Variants in DEPDC5 observed in about 807,000 individuals in gnomAD.
The protein encoded by DEPDC5 is GATOR1 complex protein DEPDC5.
A neutral mutation model predicts 217.3 loss-of-function variants in DEPDC5; 73 were observed. The ratio of observed to expected loss-of-function variants is 0.34; its 90% CI spans 0.28 to 0.41. DEPDC5 has a LOEUF of 0.41. DEPDC5 is among the 10% of genes least tolerant of loss of function. The pLI is 1.00. For missense variants in DEPDC5, 1,675 were observed against 2,070.1 expected, an observed-to-expected ratio of 0.81 and a Z score of 3.70; for synonymous variants, 733 against 756.7, an observed-to-expected ratio of 0.97 and a Z score of 0.51.
In DEPDC5 at chr22:31,809,597, A is replaced by G. The variant is rs1005945977; in HGVS notation, c.1288-14A>G. 16 of 1,613,794 alleles carry G rather than the reference A, an allele frequency of 9.9e-6. No homozygotes were observed. The East Asian group carries it at 3.1e-4, about 31-fold the overall frequency. On this transcript the variant is annotated splice_polypyrimidine_tract_variant and intron_variant, in intron 18 of 42. Coordinates refer to ENST00000651528, the MANE Select transcript of DEPDC5 (RefSeq NM_001242896.3). ...CGAAGGAAGGAGTGATTAATTATCT[A>G]TTTAATTTTTCAGCCCGCCTCTGAG...
chr22:31,812,137 C>T (rs918587131), intron 20 of DEPDC5, among the ~76,000 whole-genome samples: 2 of 151,766 alleles, frequency 1.3e-5, no homozygotes, highest in Non-Finnish European at 2.9e-5. Flanking sequence ...TACAGGCATG[C>T]ACCACCACAC....
chr22:31,885,422 T>C (rs906560493), intron 38 of DEPDC5, among the ~76,000 whole-genome samples: 1 of 152,136 alleles, frequency 6.6e-6, no homozygotes, highest in Non-Finnish European at 1.5e-5. Context: ...GCTTCAAGTC[T>C]CTTGTCCAAA....
Position 31,805,573 on chromosome 22 carries a change from T to C in DEPDC5, c.1218-549T>C, listed in dbSNP as rs150955170. Among the ~76,000 whole-genome samples, 904 of 151,996 alleles carry C rather than the reference T, an allele frequency of 5.9e-3. 8 individuals are homozygous for C. Among genetic ancestry groups the C allele is most frequent in the African/African-American group, 0.02 (830 of 41,458 alleles). On this transcript the variant is annotated intron_variant, in intron 17 of 42. Coordinates refer to ENST00000651528, the MANE Select transcript of DEPDC5 (RefSeq NM_001242896.3). ...TGGAGTGCAGTGACATGATCTTGGCTCACTGCAACCTCCACCACCCGGGTT... is the reference window on the plus strand; with the variant it reads ...TGGAGTGCAGTGACATGATCTTGGCCCACTGCAACCTCCACCACCCGGGTT...
chr22:31,754,588 C>T (rs1184713354), intron 1 of DEPDC5, among the ~76,000 whole-genome samples: 1 of 150,160 alleles, frequency 6.7e-6, no homozygotes, highest in East Asian at 2.0e-4. Context: ...GTGATGAGCA[C>T]CCATTCAGCG....
At chr22:31,905,023 A>G (rs900378756) in intron 41 of DEPDC5, among the ~76,000 whole-genome samples, 3 of 152,080 alleles carry the variant, frequency 2.0e-5, no homozygotes, top group Admixed American at 6.6e-5. Flanking sequence ...CAGGAGCCAC[A>G]TCTGTTACCA....
chr22:31,818,340 G>A (rs770589989), intron 21 of DEPDC5, among the ~76,000 whole-genome samples: 6 of 151,996 alleles, frequency 3.9e-5, no homozygotes, highest in Non-Finnish European at 8.8e-5. Context: ...TCAGTGGAGG[G>A]GCTACTGATC....
intron 25 of DEPDC5, among the ~76,000 whole-genome samples, chr22:31,834,794 G>C (rs1054352348): frequency 1.3e-5 from 2 of 152,072 alleles, no homozygotes; most frequent in Non-Finnish European, 2.9e-5. Flanking sequence ...CTCCCAAAGT[G>C]CTGTGATTAC....
intron 15 of DEPDC5, among the ~76,000 whole-genome samples, chr22:31,803,420 G>T (rs372335205): frequency 6.6e-6 from 1 of 152,040 alleles, no homozygotes; most frequent in African/African-American, 2.4e-5. Flanking sequence ...CTCCGTGTTA[G>T]CCAGGATGGT....
intron 31 of DEPDC5, among the ~76,000 whole-genome samples, chr22:31,856,153 G>GCA (rs771652884): frequency 0.029 from 3,125 of 108,208 alleles, 147 homozygotes; most frequent in Admixed American, 0.11. Context: ...TTGGGCCAAC[G>GCA]CGCACACACA....
chr22:31,835,426 A>G (rs2090920794), intron 25 of DEPDC5, among the ~76,000 whole-genome samples: 1 of 152,198 alleles, frequency 6.6e-6, no homozygotes, highest in Admixed American at 6.5e-5. Flanking sequence ...TTTCCTAGAG[A>G]CAGAACACCC....
At chr22:31,785,483 A>G (rs1466574462) in intron 10 of DEPDC5, among the ~76,000 whole-genome samples, 1 of 152,220 alleles carries the variant, frequency 6.6e-6, no homozygotes, top group Non-Finnish European at 1.5e-5. Context: ...AGTAAATAGT[A>G]AGATAACCTG....
intron 10 of DEPDC5, among the ~76,000 whole-genome samples, chr22:31,786,102 C>T (rs570606057): frequency 4.7e-4 from 71 of 151,930 alleles, no homozygotes; most frequent in Non-Finnish European, 8.8e-4. Flanking sequence ...ACTAAAAATA[C>T]AAAAATTAGC....
chr22:31,864,526 T>TCTATATATATA (rs1335760559), intron 33 of DEPDC5, among the ~76,000 whole-genome samples: 1 of 117,890 alleles, frequency 8.5e-6, no homozygotes, highest in Non-Finnish European at 1.7e-5. Context: ...ATATATATAT[T>TCTATATATATA]TATATATTTA....
rs376784275 is a variant in DEPDC5 at position 31,777,207 on chromosome 22, G to A, written c.414-892G>A. ...ACTCCTGACCTCAGGTGATTCACCC[G>A]CCTCAGCCTCTCAACGTGTTGGGAT... On this transcript the variant is annotated intron_variant, in intron 7 of 42. Transcript: ENST00000651528. Among the ~76,000 whole-genome samples, 428 of 150,146 alleles carry A rather than the reference G, an allele frequency of 2.9e-3. 2 individuals are homozygous for A. Among genetic ancestry groups the A allele is most frequent in the African/African-American group, 9.1e-3 (370 of 40,796 alleles).
Position 31,857,428 on chromosome 22 carries a change from G to A in DEPDC5, c.3156-17G>A. 1.3e-6 allele frequency: 2 copies of A among 1,583,602 alleles called. No individual in the cohort carries two copies. The highest frequency in any genetic ancestry group is 1.7e-6 in the Non-Finnish European group (2 of 1,164,032). ...AGCTCTGAGCAAGCTGCTGTCATGT[G>A]CTTTTCCTCCTTTCAGGTGCCTGGG... On this transcript the variant is annotated splice_polypyrimidine_tract_variant and intron_variant, in intron 31 of 42. Coordinates refer to ENST00000651528, the MANE Select transcript of DEPDC5 (RefSeq NM_001242896.3).
chr22:31,897,973 T>A (rs1445543443), intron 40 of DEPDC5, among the ~76,000 whole-genome samples: 5 of 152,126 alleles, frequency 3.3e-5, no homozygotes, highest in Admixed American at 3.3e-4. Context: ...TCTCCCACGC[T>A]CTCCTTTCAT....
rs375762174 is a variant in DEPDC5 at position 31,835,446 on chromosome 22, C to T, written c.2170+1466C>T. Among the ~76,000 whole-genome samples, 7 of 152,312 alleles carry T rather than the reference C, an allele frequency of 4.6e-5. No individual in the cohort carries two copies. In the Middle Eastern group the frequency reaches 0.01, roughly 222 times the overall value. The stretch of plus-strand genomic sequence containing the variant: ...TAGAGACAGAACACCCTTAAACTTA[C>T]AATCAGGATCCTTTCTCATCATGAG... On this transcript the variant is annotated intron_variant, in intron 25 of 42. Coordinates refer to ENST00000651528, the MANE Select transcript of DEPDC5 (RefSeq NM_001242896.3).
chr22:31,854,213 C>A (rs567620712), intron 31 of DEPDC5, among the ~76,000 whole-genome samples: 6 of 152,306 alleles, frequency 3.9e-5, no homozygotes, highest in Non-Finnish European at 8.8e-5. Flanking sequence ...AGAAGAGCTT[C>A]TAAGGGCAAG....
chr22:31,805,962 G>A (rs984351430), intron 17 of DEPDC5, among the ~76,000 whole-genome samples, 160 bp from the exon 18 acceptor site: 4 of 152,156 alleles, frequency 2.6e-5, no homozygotes, highest in African/African-American at 9.7e-5. Flanking sequence ...CTAATGTTTT[G>A]TAGTGAATTC....
Sources: allele counts gnomAD v4.1 joint callset (sites outside exome capture counted in the v4.1 genomes callset), GRCh38; gene constraint gnomAD v4.1.1; transcripts MANE v1.5; gene names NCBI Gene and HGNC (gene_info 2026-07-23, HGNC 2026-07-21).